Variants in TRIM49 observed in about 807,000 individuals in gnomAD.
TRIM49 encodes the protein tripartite motif containing 49.
Under a neutral mutation model 27.4 loss-of-function variants are expected in TRIM49, and 5 were observed. That is an observed-to-expected ratio of 0.18 (90% CI 0.10 to 0.38). The LOEUF (loss-of-function observed/expected upper bound fraction) is 0.38. TRIM49 is among the 10% of genes least tolerant of loss of function. TRIM49 has a pLI of 1.00. For missense variants in TRIM49, 188 were observed against 487.5 expected, an observed-to-expected ratio of 0.39 and a Z score of 5.79; for synonymous variants, 69 against 166.0, an observed-to-expected ratio of 0.42 and a Z score of 4.49.
the TRIM49 span, chr11:89,777,409 T>A: frequency 6.5e-7 from 1 of 1,538,050 alleles, no homozygotes; most frequent in African/African-American, 1.4e-5. Context: ...TCTAAGGCAG[T>A]TTGAATTATA....
chr11:89,796,152 C>G (rs540336597), downstream of TRIM49, among the ~76,000 whole-genome samples: 16 of 152,098 alleles, frequency 1.1e-4, no homozygotes, highest in African/African-American at 3.6e-4. Flanking sequence ...TCCCAGCTTT[C>G]TCAGTTATTT....
At chr11:89,785,829 G>C in the TRIM49 span, 1 of 144,710 alleles carries the variant, frequency 6.9e-6, no homozygotes, top group African/African-American at 2.7e-5. Flanking sequence ...GGAGGTTTCC[G>C]CCGGGCTTGG....
Position 89,798,288 on chromosome 11 carries a change from A to G in TRIM49, c.1201T>C (p.Tyr401His), listed in dbSNP as rs1447722367. Reference sequence around the variant, plus strand: ...ACTCGGCTGGTAGGTTTTGGGATATATTGCAGCATAAGTGGGGAGGTGGTA... The same window carrying G: ...ACTCGGCTGGTAGGTTTTGGGATATGTTGCAGCATAAGTGGGGAGGTGGTA... ...LFTTSPLMLQ[Y>H]IPKPTSRVGL... Residue 401 changes from tyrosine to histidine, a missense_variant, in exon 8 of 8, where the codon TAT becomes CAT. Tyr to His is a moderately conservative substitution (Grantham distance 83). Transcript: ENST00000329758. 5.7e-6 allele frequency: 9 copies of G among 1,577,788 alleles called. 1 individual carries two copies. Among genetic ancestry groups the G allele is most frequent in the Non-Finnish European group, 5.1e-6 (6 of 1,167,486 alleles).
At chr11:89,783,774 C>A in the TRIM49 span, among the ~76,000 whole-genome samples, 1 of 146,188 alleles carries the variant, frequency 6.8e-6, no homozygotes, top group Middle Eastern at 3.5e-3. Context: ...CCTAGGGCAC[C>A]GGCTTACCTG....
chr11:89,804,993 G>T (rs1336127932), intron 2 of TRIM49, among the ~76,000 whole-genome samples: 1 of 151,140 alleles, frequency 6.6e-6, no homozygotes, highest in Non-Finnish European at 1.5e-5. Context: ...TAACAAGCCT[G>T]CAAGTCCTGC....
At position 89,798,394 on chromosome 11, in the gene TRIM49, C is replaced by T. The variant is rs1949707299; in HGVS notation, c.1095G>A (p.Lys365=). ...FGVCNMYRKE[K]NQNEKIDGKA... is the part of the protein sequence containing the mutation. ...TTCCATCTATCTTCTCATTCTGATT[C>T]TTCTCTTTCCGATACATATTACAGA... is the stretch of plus-strand genomic sequence containing the variant. The change falls in exon 8 of 8, where the codon AAG becomes AAA. Residue 365 remains lysine, a synonymous_variant. Coordinates refer to ENST00000329758, the MANE Select transcript of TRIM49 (RefSeq NM_020358.2). 3.7e-6 allele frequency: 6 copies of T among 1,602,942 alleles called. No homozygotes were observed. The East Asian group carries it at 1.4e-4, about 37-fold the overall frequency.
At chr11:89,785,143 G>A in the TRIM49 span, among the ~76,000 whole-genome samples, 38 of 142,618 alleles carry the variant, frequency 2.7e-4, no homozygotes, top group Non-Finnish European at 3.9e-4. Flanking sequence ...CACTTGAACC[G>A]AGGAGGCAAA....
downstream of TRIM49, among the ~76,000 whole-genome samples, chr11:89,793,021 G>T (rs368260663): frequency 0.031 from 4,661 of 149,510 alleles, 5 homozygotes; most frequent in Middle Eastern, 0.071. Context: ...GAAGAAAAGA[G>T]AGAAGAATCA....
downstream of TRIM49, among the ~76,000 whole-genome samples, chr11:89,796,811 A>G (rs1174357711): frequency 4.6e-5 from 7 of 152,194 alleles, no homozygotes; most frequent in Middle Eastern, 3.4e-3. Context: ...TTATTTAGCT[A>G]TTCTACGGTT....
chr11:89,801,247 T>C (rs1397505868), intron 5 of TRIM49, among the ~76,000 whole-genome samples: 1 of 147,312 alleles, frequency 6.8e-6, no homozygotes, highest in Non-Finnish European at 1.5e-5. Flanking sequence ...GTCTATGGTC[T>C]GTGGTAACCA....
chr11:89,805,901 G>A (rs1949786326), intron 2 of TRIM49, among the ~76,000 whole-genome samples: 1 of 150,210 alleles, frequency 6.7e-6, no homozygotes, highest in African/African-American at 2.5e-5. Context: ...TATTTTTTTA[G>A]TAGAGATGGG....
At chr11:89,805,932 C>T (rs1225864450) in intron 2 of TRIM49, among the ~76,000 whole-genome samples, 2 of 150,654 alleles carry the variant, frequency 1.3e-5, no homozygotes, top group Admixed American at 6.6e-5. Context: ...CTTGGCCAGG[C>T]TGCACTTGAA....
chr11:89,787,056 T>C, the TRIM49 span: 3 of 140,756 alleles, frequency 2.1e-5, no homozygotes, highest in Non-Finnish European at 4.4e-5. Context: ...GTCCGCCTCA[T>C]GCAGAGGCTC....
chr11:89,796,948 G>A (rs1208072082), downstream of TRIM49, among the ~76,000 whole-genome samples: 11 of 150,326 alleles, frequency 7.3e-5, no homozygotes, highest in Non-Finnish European at 1.5e-4. Flanking sequence ...TAGCCCATAA[G>A]AAATGCTAAT....
the TRIM49 span, among the ~76,000 whole-genome samples, chr11:89,773,163 C>T: frequency 0.13 from 17,242 of 134,626 alleles, 344 homozygotes; most frequent in East Asian, 0.29. Context: ...TGCACTCCAG[C>T]CTGGGTGACA....
At chr11:89,789,908 TGCAGGACAGTGGG>T in the TRIM49 span, among the ~76,000 whole-genome samples, 1 of 151,142 alleles carries the variant, frequency 6.6e-6, no homozygotes, top group African/African-American at 2.5e-5. Flanking sequence ...AGACAGTGGG[TGCAGGACAGTGGG>T]TGCAGCCCAC....
Position 89,804,211 on chromosome 11 carries a change from T to C in TRIM49, c.259A>G (p.Ser87Gly), listed in dbSNP as rs1453352820. 6 of 1,607,450 alleles carry C rather than the reference T, an allele frequency of 3.7e-6. No homozygotes were observed. The highest frequency in any genetic ancestry group is 4.2e-6 in the Non-Finnish European group (5 of 1,177,576). The change falls in exon 3 of 8, where the codon AGC becomes GGC. Residue 87 changes from serine to glycine, a missense_variant. Coordinates refer to ENST00000329758, the MANE Select transcript of TRIM49 (RefSeq NM_020358.2). ...GTGCCACACATTTGCTCCTCAGAGC[T>C]CAGGAATAGCCAGAGACTGACTTTT... is the stretch of plus-strand genomic sequence containing the variant. ...ARKVSLWLFL[S>G]SEEQMCGTHR...
Position 89,799,770 on chromosome 11 carries a change from C to T in TRIM49, c.805G>A (p.Glu269Lys), listed in dbSNP as rs1394570832. ...CCAGTGATGGGCCCTGCACTGAGCT[C>T]TGGATTCAGAGGCTGGGGCATGTGC... ...LLHMPQPLNP[E>K]LSAGPITGLR... Residue 269 changes from glutamate to lysine, a missense_variant, in exon 7 of 8, where the codon GAG (glutamate) becomes AAG (lysine). This residue lies in a region of TRIM49 where 14 missense variants were observed against 118.8 expected (regional missense o/e 0.12). Coordinates refer to ENST00000329758, the MANE Select transcript of TRIM49 (RefSeq NM_020358.2). The T allele has an allele frequency of 1.3e-6, 2 of 1,493,756 alleles. No homozygotes were observed. The highest frequency in any genetic ancestry group is 1.8e-6 in the Non-Finnish European group (2 of 1,107,368). The allele number at this position is 1,493,756 out of a possible 1,614,324, so 92.5% of individuals were successfully genotyped here.
rs1949739446 is a variant in TRIM49, at chr11:89,801,694, GT to G, written c.738+7del. On this transcript the variant is annotated splice_region_variant and intron_variant, in intron 5 of 7. Transcript: ENST00000329758. Reference sequence around the variant, plus strand: ...TCAAAAACCTGAAACCACATGGCGAGTTTTTACCTGAAGTAGCTCCACATCT... The same window carrying G: ...TCAAAAACCTGAAACCACATGGCGAGTTTTACCTGAAGTAGCTCCACATCT... 1 of 541,594 alleles carries G rather than the reference GT, an allele frequency of 1.8e-6. No individual in the cohort carries two copies. The highest frequency in any genetic ancestry group is 2.8e-5 in the African/African-American group (1 of 36,070). 33.5% of individuals were successfully genotyped at this position (541,594 alleles called of 1,614,324 possible). A position where few individuals can be genotyped will look rare whatever the true frequency, so the allele number is the denominator to read the frequency against.
Sources: gnomAD v4.1 joint callset for allele counts (sites outside exome capture counted in the v4.1 genomes callset) on GRCh38, gnomAD v4.1.1 for gene constraint, gnomAD v4.1.1 regional missense constraint, MANE v1.5 for transcripts, NCBI Gene and HGNC (gene_info 2026-07-23, HGNC 2026-07-21) for gene names.